Variants in CTSC observed in about 807,000 individuals in gnomAD.
CTSC encodes dipeptidyl peptidase 1.
Under a neutral mutation model 40.9 loss-of-function variants are expected in CTSC, and 37 were observed. The observed-to-expected ratio is 0.91, with a 90% confidence interval of 0.70 to 1.19. The LOEUF (loss-of-function observed/expected upper bound fraction) is 1.19. CTSC is among the 50% of genes most tolerant of loss of function. The pLI, the probability that CTSC is intolerant of heterozygous loss-of-function variation, is 0.00. For synonymous variants in CTSC, 232 were observed against 207.4 expected (o/e 1.12, Z -1.02); for missense variants, 594 against 567.3 (o/e 1.05, Z -0.48).
intron 4 of CTSC, among the ~76,000 whole-genome samples, chr11:88,302,892 A>G (rs1944383714): frequency 6.6e-6 from 1 of 152,198 alleles, no homozygotes; most frequent in Non-Finnish European, 1.5e-5. Flanking sequence ...CACAAAGATT[A>G]CTATAACAAG....
intron 5 of CTSC, chr11:88,296,480 T>C: frequency 2.0e-6 from 1 of 498,874 alleles, no homozygotes; most frequent in East Asian, 4.0e-5. Flanking sequence ...CAAACATTAG[T>C]ACATGGGACT....
At chr11:88,320,192 C>A (rs1368121214) in intron 2 of CTSC, among the ~76,000 whole-genome samples, 1 of 152,156 alleles carries the variant, frequency 6.6e-6, no homozygotes, top group African/African-American at 2.4e-5. Flanking sequence ...GTGGTTACAG[C>A]CAAGCAACTT....
rs217115 is a variant in CTSC, at chr11:88,300,353, T to C, written c.757+177A>G. Among the ~76,000 whole-genome samples, 134,451 of 152,240 alleles carry C rather than the reference T, an allele frequency of 0.88. 59,597 individuals are homozygous for C. The highest frequency in any genetic ancestry group is 1 in the East Asian group (5,172 of 5,178). On this transcript the variant is annotated intron_variant, in intron 5 of 6. Transcript: ENST00000227266. ...CTCAGTAGAAAAGAAAATTTTTTAC[T>C]AAAGTTTGTCATGGATATAAAAGGA...
At chr11:88,307,046 G>A (rs949602574) in intron 4 of CTSC, among the ~76,000 whole-genome samples, 2 of 152,206 alleles carry the variant, frequency 1.3e-5, no homozygotes, top group African/African-American at 4.8e-5. Flanking sequence ...ATATGCCTGC[G>A]AGGGAGATAA....
intron 2 of CTSC, among the ~76,000 whole-genome samples, chr11:88,317,468 G>C (rs1216339829): frequency 6.6e-6 from 1 of 152,032 alleles, no homozygotes; most frequent in Admixed American, 6.6e-5. Context: ...TTTAGAACCT[G>C]AAATTATTCT....
chr11:88,335,471 C>T (rs1290099271), intron 1 of CTSC, among the ~76,000 whole-genome samples: 2 of 152,088 alleles, frequency 1.3e-5, no homozygotes, highest in African/African-American at 4.8e-5. Context: ...GCTATTTGAG[C>T]GGCTGAAGCT....
chr11:88,325,001 C>G (rs1938140996), intron 2 of CTSC: 1 of 985,100 alleles, frequency 1.0e-6, no homozygotes, highest in Non-Finnish European at 1.2e-6. Context: ...AAAAATTCTT[C>G]TATTCAAGCA....
intron 4 of CTSC, among the ~76,000 whole-genome samples, chr11:88,306,133 T>A (rs1937629336): frequency 6.6e-6 from 1 of 152,202 alleles, no homozygotes; most frequent in South Asian, 2.1e-4. Flanking sequence ...TAGAATAAAC[T>A]TGGAGAAATA....
chr11:88,314,499 G>A (rs982524877), intron 2 of CTSC, among the ~76,000 whole-genome samples: 1 of 152,078 alleles, frequency 6.6e-6, no homozygotes, highest in Non-Finnish European at 1.5e-5. Context: ...ACTCATATCC[G>A]CATCTTGCTT....
At chr11:88,312,228 T>C (rs561870707) in intron 3 of CTSC, among the ~76,000 whole-genome samples, 160 bp downstream of exon 3, 1 of 152,356 alleles carries the variant, frequency 6.6e-6, no homozygotes, top group African/African-American at 2.4e-5. Context: ...CTCAATAATG[T>C]TGGTCAATTT....
chr11:88,321,633 T>C (rs1307910930), intron 2 of CTSC: 2 of 152,226 alleles, frequency 1.3e-5, no homozygotes, highest in East Asian at 1.9e-4. Context: ...TATTGCTGCA[T>C]AGTATTCCAT....
intron 4 of CTSC, among the ~76,000 whole-genome samples, chr11:88,303,508 A>G (rs1937602803): frequency 6.6e-6 from 1 of 152,244 alleles, no homozygotes; most frequent in Non-Finnish European, 1.5e-5. Flanking sequence ...GTGGTTTATT[A>G]TAAAAGATAC....
chr11:88,337,330 A>G (rs563890332), intron 1 of CTSC, among the ~76,000 whole-genome samples, 171 bp downstream of exon 1: 1 of 152,322 alleles, frequency 6.6e-6, no homozygotes, highest in East Asian at 1.9e-4. Flanking sequence ...ATGAACTTTA[A>G]CTTCGCGAGC....
chr11:88,320,886 G>T, intron 2 of CTSC: 1 of 861,618 alleles, frequency 1.2e-6, no homozygotes, highest in Non-Finnish European at 1.4e-6. Flanking sequence ...GTAATACATA[G>T]GGAATCAAAT....
intron 4 of CTSC, among the ~76,000 whole-genome samples, chr11:88,303,013 G>A (rs1944385509): frequency 6.6e-6 from 1 of 152,112 alleles, no homozygotes; most frequent in South Asian, 2.1e-4. Flanking sequence ...AAAAAACAAA[G>A]CTTGGACATT....
At chr11:88,306,730 A>G (rs1937641892) in intron 4 of CTSC, among the ~76,000 whole-genome samples, 1 of 152,180 alleles carries the variant, frequency 6.6e-6, no homozygotes, top group South Asian at 2.1e-4. Context: ...GTGTGATCCA[A>G]TTCTTCTGGT....
At chr11:88,323,221 C>G (rs906035988) in intron 2 of CTSC, 1 of 152,118 alleles carries the variant, frequency 6.6e-6, no homozygotes, top group African/African-American at 2.4e-5. Flanking sequence ...AATTCAACAT[C>G]GCTTCATGTT....
chr11:88,299,616 T>C (rs1401052585), intron 5 of CTSC: 1 of 152,196 alleles, frequency 6.6e-6, no homozygotes, highest in Non-Finnish European at 1.5e-5. Flanking sequence ...CGGCAGAGAC[T>C]GATTATCACT....
chr11:88,324,416 G>C, intron 2 of CTSC: 5 of 982,300 alleles, frequency 5.1e-6, no homozygotes, highest in Non-Finnish European at 6.0e-6. Context: ...AACTCTGCAG[G>C]AAGGTAACCT....
Sources: allele counts gnomAD v4.1 joint callset (sites outside exome capture counted in the v4.1 genomes callset), GRCh38; gene constraint gnomAD v4.1.1; transcripts MANE v1.5; gene names NCBI Gene and HGNC (gene_info 2026-07-23, HGNC 2026-07-21).